LTBP4: variants seen among roughly 807,000 people sequenced by gnomAD.
LTBP4 encodes the protein latent transforming growth factor beta binding protein 4.
LTBP4 carries 93 observed loss-of-function variants against 180.2 expected under a neutral mutation model. The ratio of observed to expected loss-of-function variants is 0.52; its 90% CI spans 0.44 to 0.61. The LOEUF is 0.61. LTBP4 is among the 20% of genes least tolerant of loss of function. The probability of loss-of-function intolerance (pLI) is 0.00; values close to 1 mark genes in which losing one functional copy is unlikely to be tolerated. For synonymous variants in LTBP4, 947 were observed against 934.5 expected, an observed-to-expected ratio of 1.01 and a Z score of -0.24; for missense variants, 2,116 against 2,256.5, an observed-to-expected ratio of 0.94 and a Z score of 1.26.
In LTBP4 at chr19:40,622,385, C is replaced by A. The variant is rs1215596042; in HGVS notation, c.3218-16C>A. The A allele has an allele frequency of 6.7e-7, 1 of 1,489,886 alleles. No homozygotes were observed. The highest frequency in any genetic ancestry group is 1.3e-5 in the South Asian group (1 of 74,456). The allele number at this position is 1,489,886 out of a possible 1,614,324, so 92.3% of individuals were successfully genotyped here. On this transcript the variant is annotated splice_polypyrimidine_tract_variant and intron_variant, in intron 22 of 29. Coordinates refer to ENST00000396819, the MANE Select transcript of LTBP4 (RefSeq NM_001042545.2). The surrounding 1 kb of genome is among the most constrained non-coding windows in gnomAD (Gnocchi z 5.1). ...GGATTCAGCCCACACTGGGCTAAAG[C>A]TCCTTGTCTCCCCAGGCACGTTCCC... is the stretch of plus-strand genomic sequence containing the variant.
intron 21 of LTBP4, among the ~76,000 whole-genome samples, chr19:40,617,599 G>A (rs1453002115): frequency 6.8e-6 from 1 of 147,584 alleles, no homozygotes; most frequent in Non-Finnish European, 1.5e-5. Flanking sequence ...AGCCAAGATT[G>A]TGCAATTGCA....
At chr19:40,614,239 C>A in intron 18 of LTBP4, 76 bp from the exon 19 acceptor site, 1 of 1,514,114 alleles carries the variant, frequency 6.6e-7, no homozygotes, top group Non-Finnish European at 9.0e-7. Context: ...CCCCTTCTGA[C>A]TCTCCTCTCC....
In LTBP4 at chr19:40,627,099, T is replaced by C; in HGVS notation, c.4110T>C (p.Tyr1370=). The part of the protein sequence containing the change: ...DLGPPYQGLP[Y]GPELYPPPAL... ...GTCCACCTTACCAGGGCCTCCCATATGGGCCTGAGTTGTACCCACCACCTG... is the reference window on the plus strand; with the variant it reads ...GTCCACCTTACCAGGGCCTCCCATACGGGCCTGAGTTGTACCCACCACCTG... The change falls in exon 28 of 30, where the codon TAT becomes TAC. Residue 1370 remains tyrosine, a synonymous_variant. Coordinates refer to ENST00000396819, the MANE Select transcript of LTBP4 (RefSeq NM_001042545.2). The C allele has an allele frequency of 6.2e-7, 1 of 1,613,946 alleles. No individual in the cohort carries two copies. Among genetic ancestry groups the C allele is most frequent in the Non-Finnish European group, 8.5e-7 (1 of 1,179,848 alleles).
intron 26 of LTBP4, among the ~76,000 whole-genome samples, chr19:40,625,269 TA>T (rs1568414264): frequency 0.031 from 116 of 3,724 alleles, 22 homozygotes; most frequent in Non-Finnish European, 0.035. Context: ...TATATATATA[TA>T]TATATATATA....
chr19:40,613,642 A>G lies in LTBP4; in HGVS notation c.2557+113A>G. On this transcript the variant is annotated intron_variant, in intron 17 of 29. Transcript: ENST00000396819. This position sits in a 1 kb window ranked among gnomAD's most constrained non-coding sequence, Gnocchi z 5.0. ...AACGAGTTTTTAGCCGGGGTATTCC[A>G]GCAGGATCAGGGGGCAGCTGGTGGG... The G allele has an allele frequency of 1.3e-6, 2 of 1,498,308 alleles. No individual in the cohort carries two copies. The highest frequency in any genetic ancestry group is 1.8e-6 in the Non-Finnish European group (2 of 1,113,748). 92.8% of individuals were successfully genotyped at this position (1,498,308 alleles called of 1,614,324 possible). A position where few individuals can be genotyped will look rare whatever the true frequency, so the allele number is the denominator to read the frequency against.
rs781603521 is a variant in LTBP4, at chr19:40,613,927, T to G, written c.2569T>G (p.Cys857Gly). 2.4e-5 allele frequency: 39 copies of G among 1,613,246 alleles called. No individual in the cohort carries two copies. Among genetic ancestry groups the G allele is most frequent in the Non-Finnish European group, 3.2e-5 (38 of 1,179,736 alleles). The change falls in exon 18 of 30, where the codon TGC becomes GGC. Residue 857 changes from cysteine to glycine, a missense_variant. By Grantham distance (159) the Cys-to-Gly change is radical. Around this residue, in one of 5 missense-constraint regions of LTBP4, gnomAD observed 877 missense variants for 873.6 expected, o/e 1.00. Coordinates refer to ENST00000396819, the MANE Select transcript of LTBP4 (RefSeq NM_001042545.2). This position sits in a 1 kb window ranked among gnomAD's most constrained non-coding sequence, Gnocchi z 5.0. ...RGASCLDVDE[C>G]SEEDLCQSGI... The stretch of plus-strand genomic sequence containing the variant: ...GCCCTGTCCCGCAGACGTTGACGAG[T>G]GCAGCGAGGAGGACCTTTGCCAGAG...
Position 40,629,023 on chromosome 19 carries a change from T to C in LTBP4, c.4520-373T>C, listed in dbSNP as rs1289483246. 6.6e-6 allele frequency among the ~76,000 whole-genome samples: 1 copy of C among 151,986 alleles called. No individual in the cohort carries two copies. Among genetic ancestry groups the C allele is most frequent in the Non-Finnish European group, 1.5e-5 (1 of 68,002 alleles). Reference sequence around the variant, plus strand: ...CGCCACCATGCCTGGCTAATTTTTGTATTCTTAGTAGAGACGGGGTCTCAC... The same window carrying C: ...CGCCACCATGCCTGGCTAATTTTTGCATTCTTAGTAGAGACGGGGTCTCAC... On this transcript the variant is annotated intron_variant, in intron 29 of 29. Transcript: ENST00000396819. This position sits in a 1 kb window ranked among gnomAD's most constrained non-coding sequence, Gnocchi z 4.5.
Position 40,627,344 on chromosome 19 carries a change from G to T in LTBP4, c.4355G>T (p.Gly1452Val). Residue 1452 changes from glycine (G) to valine (V), a missense_variant, in exon 28 of 30, where the codon GGA (glycine) becomes GTA (valine). By Grantham distance (109) the Gly-to-Val change is moderately radical. Coordinates refer to ENST00000396819, the MANE Select transcript of LTBP4 (RefSeq NM_001042545.2). ...FPEPEEPPEG[G>V]SYAGSLAEPY... ...GAGCCCGAGGAGCCTCCTGAAGGTG[G>T]AAGCTATGCTGGTGAGCACTGCCAG... The T allele has an allele frequency of 6.6e-7, 1 of 1,509,474 alleles. No homozygotes were observed. The highest frequency in any genetic ancestry group is 8.8e-7 in the Non-Finnish European group (1 of 1,131,316). The allele number at this position is 1,509,474 out of a possible 1,614,324, so 93.5% of individuals were successfully genotyped here.
chr19:40,625,277 TATATATATA>T (rs2081619012), intron 26 of LTBP4, among the ~76,000 whole-genome samples: 1 of 7,686 alleles, frequency 1.3e-4, no homozygotes. Flanking sequence ...TATATATATA[TATATATATA>T]TATATATATA....
intron 19 of LTBP4, among the ~76,000 whole-genome samples, chr19:40,615,124 C>G (rs972910105): frequency 7.1e-6 from 1 of 140,448 alleles, no homozygotes; most frequent in African/African-American, 2.7e-5. Flanking sequence ...TCACCCCTCC[C>G]GGGTCAGGCT....
At chr19:40,614,959 T>G (rs2081536529) in intron 19 of LTBP4, among the ~76,000 whole-genome samples, 1 of 152,222 alleles carries the variant, frequency 6.6e-6, no homozygotes, top group African/African-American at 2.4e-5. Context: ...GTTTAAGCTC[T>G]GCCCTTCCTT....
At chr19:40,606,151 C>T in intron 4 of LTBP4, 82 bp from the exon 5 acceptor site, 1 of 1,284,326 alleles carries the variant, frequency 7.8e-7, no homozygotes. Flanking sequence ...CTTTTAGTCC[C>T]TCCCACCCCG....
intron 1 of LTBP4, among the ~76,000 whole-genome samples, chr19:40,594,111 GGGGGA>G (rs2081379484): frequency 6.6e-6 from 1 of 152,010 alleles, no homozygotes; most frequent in Non-Finnish European, 1.5e-5. Flanking sequence ...AGGGGGTGGG[GGGGGA>G]GAGAGAGAGA....
chr19:40,615,541 C>T (rs552279373), intron 19 of LTBP4, among the ~76,000 whole-genome samples: 1 of 152,286 alleles, frequency 6.6e-6, no homozygotes, highest in East Asian at 1.9e-4. Context: ...GGATGGATCA[C>T]GAGGTCAGGA....
chr19:40,605,698 G>T lies in LTBP4; in HGVS notation c.691-31G>T. ...AGGGGCCCGGAGCTTGCCTCCGCGC[G>T]GGGGCGCGCTCACCCAACACTTCCC... On this transcript the variant is annotated intron_variant, in intron 3 of 29. Coordinates refer to ENST00000396819, the MANE Select transcript of LTBP4 (RefSeq NM_001042545.2). The surrounding 1 kb of genome is among the most constrained non-coding windows in gnomAD (Gnocchi z 5.5). 1 of 1,547,360 alleles carries T rather than the reference G, an allele frequency of 6.5e-7. No homozygotes were observed. Among genetic ancestry groups the T allele is most frequent in the Non-Finnish European group, 8.7e-7 (1 of 1,146,258 alleles).
intron 7 of LTBP4, 31 bp downstream of exon 7, chr19:40,607,560 GC>G (rs1335766546): frequency 6.3e-7 from 1 of 1,576,232 alleles, no homozygotes; most frequent in East Asian, 2.3e-5. Context: ...CTAGCCCTAC[GC>G]GCAACACATG....
At chr19:40,616,768 A>G in intron 19 of LTBP4, 121 bp from the exon 20 acceptor site, 1 of 1,179,706 alleles carries the variant, frequency 8.5e-7, no homozygotes, top group African/African-American at 1.5e-5. Flanking sequence ...TGATCTTCAG[A>G]AGCTCAGGCT....
At chr19:40,614,134 C>T (rs1269412417) in intron 18 of LTBP4, 96 bp downstream of exon 18, 17 of 1,526,874 alleles carry the variant, frequency 1.1e-5, no homozygotes, top group Non-Finnish European at 7.1e-6. Context: ...CGCTTCTCCC[C>T]TCCCCTTACC....
intron 6 of LTBP4, among the ~76,000 whole-genome samples, chr19:40,607,112 G>T (rs1028468689): frequency 1.3e-5 from 2 of 151,982 alleles, no homozygotes; most frequent in Admixed American, 6.5e-5. Context: ...TCAACGACTC[G>T]ACTATCTTCA....
Sources: gnomAD v4.1 joint callset for allele counts (sites outside exome capture counted in the v4.1 genomes callset) on GRCh38, gnomAD v4.1.1 for gene constraint, gnomAD v4.1.1 regional missense constraint, Gnocchi (gnomAD v3.1) non-coding constraint, MANE v1.5 for transcripts, NCBI Gene and HGNC (gene_info 2026-07-23, HGNC 2026-07-21) for gene names.